The following NIPAL2 variants were observed in gnomAD, a reference collection of about 807,000 sequenced individuals.
The protein encoded by NIPAL2 is NIPA-like protein 2.
A neutral mutation model predicts 48.9 loss-of-function variants in NIPAL2; 43 were observed. The ratio of observed to expected loss-of-function variants is 0.88; its 90% CI spans 0.69 to 1.13. The LOEUF is 1.13. Among genes scored for constraint, NIPAL2 ranks in the 50% most tolerant of loss-of-function variants. NIPAL2 has a pLI of 0.00. For synonymous variants in NIPAL2, 167 were observed against 174.6 expected (o/e 0.96, Z 0.34); for missense variants, 446 against 461.4 (o/e 0.97, Z 0.31).
chr8:98,244,556 T>TGTG (rs1364734051), intron 3 of NIPAL2, among the ~76,000 whole-genome samples: 1 of 53,238 alleles, frequency 1.9e-5, no homozygotes, highest in Non-Finnish European at 4.0e-5. Flanking sequence ...GAGGGTGGGC[T>TGTG]GTGATAAGGG....
intron 1 of NIPAL2, among the ~76,000 whole-genome samples, chr8:98,288,945 T>A (rs1816346456): frequency 6.6e-6 from 1 of 152,234 alleles, no homozygotes; most frequent in Non-Finnish European, 1.5e-5. Flanking sequence ...TTTGTGGCAA[T>A]CACTTTCTTG....
intron 3 of NIPAL2, among the ~76,000 whole-genome samples, chr8:98,248,588 C>G (rs1813418136): frequency 6.6e-6 from 1 of 152,198 alleles, no homozygotes; most frequent in African/African-American, 2.4e-5. Context: ...TTGCCAATGG[C>G]AGAACTGATA....
chr8:98,201,737 T>G (rs1011562475), intron 8 of NIPAL2, among the ~76,000 whole-genome samples: 2 of 152,240 alleles, frequency 1.3e-5, no homozygotes, highest in Admixed American at 6.5e-5. Context: ...ATGCAATCTT[T>G]TCTTAATTTA....
chr8:98,293,028 T>A (rs1389897305), intron 1 of NIPAL2, among the ~76,000 whole-genome samples: 1 of 152,222 alleles, frequency 6.6e-6, no homozygotes, highest in Non-Finnish European at 1.5e-5. Flanking sequence ...TCTTACTTAT[T>A]CTTTATACAA....
At chr8:98,203,253 TAACA>T in intron 7 of NIPAL2, 57 bp from the exon 8 acceptor site, 1 of 1,218,402 alleles carries the variant, frequency 8.2e-7, no homozygotes, top group Non-Finnish European at 1.2e-6. Flanking sequence ...AGCAATAAGT[TAACA>T]ATAACTTCAA....
In NIPAL2 at chr8:98,241,104, C is replaced by T. The variant is rs184292620; in HGVS notation, c.377-4890G>A. On this transcript the variant is annotated intron_variant, in intron 3 of 10. Coordinates refer to ENST00000430223, the MANE Select transcript of NIPAL2 (RefSeq NM_001321635.2). ...GTATTTGAGGGAAAAGAGACAGGTC[C>T]TCTGTTTTCCAAGATGACCATGGTC... Among the ~76,000 whole-genome samples the T allele has an allele frequency of 1.1e-3, 165 of 152,268 alleles. 1 individual carries two copies. Among genetic ancestry groups the T allele is most frequent in the African/African-American group, 3.8e-3 (156 of 41,542 alleles).
At chr8:98,284,457 A>G (rs1328962294) in intron 1 of NIPAL2, among the ~76,000 whole-genome samples, 1 of 151,980 alleles carries the variant, frequency 6.6e-6, no homozygotes, top group Non-Finnish European at 1.5e-5. Context: ...CACACAATGT[A>G]TATTACAAAA....
At chr8:98,216,951 CTCATTCTTACAGGACTTA>C (rs1293880283) in intron 5 of NIPAL2, 1 of 687,990 alleles carries the variant, frequency 1.5e-6, no homozygotes, top group Non-Finnish European at 1.8e-6. Context: ...TCAAATCTTT[CTCATTCTTACAGGACTTA>C]TAGCTTTTAA....
At chr8:98,241,143 A>G (rs1405285549) in intron 3 of NIPAL2, among the ~76,000 whole-genome samples, 2 of 152,234 alleles carry the variant, frequency 1.3e-5, no homozygotes, top group African/African-American at 2.4e-5. Context: ...GTGTGTAGGT[A>G]TAACTGAAAA....
rs33923448 is a variant in NIPAL2 at position 98,209,445 on chromosome 8, C to CAAA, written c.655+2957_655+2959dup. 1.1e-4 allele frequency among the ~76,000 whole-genome samples: 8 copies of CAAA among 70,504 alleles called. 1 individual carries two copies. Among genetic ancestry groups the CAAA allele is most frequent in the African/African-American group, 2.5e-4 (4 of 16,262 alleles). The allele number at this position is 70,504 out of a possible 152,430, so 46.3% of individuals were successfully genotyped here. Reference sequence around the variant, plus strand: ...GCAGCATGGGGATACCCTGTCTCTCCAAAAAAAAAAAAAAAAAAAAAAATT... The same window carrying CAAA: ...GCAGCATGGGGATACCCTGTCTCTCCAAAAAAAAAAAAAAAAAAAAAAAAAATT... On this transcript the variant is annotated intron_variant, in intron 6 of 10. Transcript: ENST00000430223.
chr8:98,240,536 C>T (rs534954688), intron 3 of NIPAL2, among the ~76,000 whole-genome samples: 6 of 152,122 alleles, frequency 3.9e-5, no homozygotes, highest in Non-Finnish European at 8.8e-5. Context: ...CAAGTGATGG[C>T]GGATGGTGCT....
intron 1 of NIPAL2, among the ~76,000 whole-genome samples, chr8:98,265,369 C>T (rs1308834435): frequency 1.6e-3 from 217 of 138,348 alleles, no homozygotes; most frequent in African/African-American, 5.6e-3. Context: ...AGAAAATTTT[C>T]GCAACCTACT....
chr8:98,292,802 G>T lies in NIPAL2; in HGVS notation c.135+1201C>A, dbSNP rs573797534. 3.4e-4 allele frequency among the ~76,000 whole-genome samples: 50 copies of T among 149,086 alleles called. 1 individual carries two copies. In the South Asian group the frequency reaches 5.5e-3, roughly 16 times the overall value. The stretch of plus-strand genomic sequence containing the variant: ...TATATTGGGAATACTTCTAATAAAA[G>T]AATAATATAATAGATAGATTCAAGT... On this transcript the variant is annotated intron_variant, in intron 1 of 10. Coordinates refer to ENST00000430223, the MANE Select transcript of NIPAL2 (RefSeq NM_001321635.2).
chr8:98,196,119 A>G, intron 8 of NIPAL2, 114 bp from the exon 9 acceptor site: 1 of 612,798 alleles, frequency 1.6e-6, no homozygotes, highest in Non-Finnish European at 2.7e-6. Context: ...AAATTTAGTC[A>G]TCCTTAAAAT....
At chr8:98,252,684 G>A in intron 2 of NIPAL2, 50 bp from the exon 3 acceptor site, 1 of 1,490,206 alleles carries the variant, frequency 6.7e-7, no homozygotes, top group Non-Finnish European at 9.0e-7. Flanking sequence ...GCTATGAGGG[G>A]AATGCCACTT....
intron 6 of NIPAL2, among the ~76,000 whole-genome samples, chr8:98,205,738 C>T (rs975633694): frequency 6.6e-6 from 1 of 152,184 alleles, no homozygotes; most frequent in African/African-American, 2.4e-5. Flanking sequence ...TGTACTAAGT[C>T]ATTGCTTCTC....
At chr8:98,257,484 CTT>C (rs1486451965) in intron 1 of NIPAL2, among the ~76,000 whole-genome samples, 1 of 151,908 alleles carries the variant, frequency 6.6e-6, no homozygotes, top group Non-Finnish European at 1.5e-5. Context: ...GTCTCGATCT[CTT>C]GACCTCATGA....
chr8:98,244,354 G>A (rs1358437666), intron 3 of NIPAL2, among the ~76,000 whole-genome samples: 2 of 29,354 alleles, frequency 6.8e-5, no homozygotes, highest in East Asian at 7.6e-4. Flanking sequence ...GAGGGTGGGC[G>A]TGGTGATGAG....
In NIPAL2 at chr8:98,214,437, T is replaced by G. The variant is rs1227951065; in HGVS notation, c.559-1936A>C. ...CCTCGGCCTCCCAAAGTGCTGGGAT[T>G]ACAGGCATGAGCCACCGCACCCGGC... On this transcript the variant is annotated intron_variant, in intron 5 of 10. Transcript: ENST00000430223. Among the ~76,000 whole-genome samples, 4 of 152,218 alleles carry G rather than the reference T, an allele frequency of 2.6e-5. No individual in the cohort carries two copies. In the East Asian group the frequency reaches 7.7e-4, roughly 29 times the overall value.
Sources: allele counts gnomAD v4.1 joint callset (sites outside exome capture counted in the v4.1 genomes callset), GRCh38; gene constraint gnomAD v4.1.1; transcripts MANE v1.5; gene names NCBI Gene and HGNC (gene_info 2026-07-23, HGNC 2026-07-21).